The following IL5RA variants were observed in gnomAD, a reference collection of about 807,000 sequenced individuals.
IL5RA encodes interleukin 5 receptor subunit alpha, also known as interleukin-5 receptor subunit alpha.
IL5RA carries 49 observed loss-of-function variants against 50.0 expected under a neutral mutation model. The observed-to-expected ratio is 0.98, with a 90% CI of 0.78 to 1.24. The LOEUF is 1.24. IL5RA is among the 50% of genes most tolerant of loss of function. The pLI is 0.00. For synonymous variants in IL5RA, 202 were observed against 174.0 expected (o/e 1.16, Z -1.26); for missense variants, 600 against 500.4 (o/e 1.20, Z -1.90).
intron 11 of IL5RA, among the ~76,000 whole-genome samples, chr3:3,071,736 T>C (rs1023161069): frequency 6.6e-6 from 1 of 152,066 alleles, no homozygotes; most frequent in Non-Finnish European, 1.5e-5. Flanking sequence ...GCTACAGGTG[T>C]GCACCACCGT....
Position 3,098,015 on chromosome 3 carries a change from G to A in IL5RA, c.564C>T (p.Asp188=). Residue 188 remains aspartate (D), a synonymous_variant, in exon 7 of 12, where the codon GAC becomes GAT. Coordinates refer to ENST00000446632, the MANE Select transcript of IL5RA (RefSeq NM_175726.4). ...WTEECQEYSK[D]TLGRNIACWF... is the part of the protein sequence containing the mutation. ...AGCATGCGATATTTCTCCCCAGTGT[G>A]TCTTTGCTGTATTCTTGGCATTCTT... is the stretch of plus-strand genomic sequence containing the variant. 1 of 1,614,148 alleles carries A rather than the reference G, an allele frequency of 6.2e-7. No homozygotes were observed. Among genetic ancestry groups the A allele is most frequent in the Non-Finnish European group, 8.5e-7 (1 of 1,180,050 alleles).
intron 9 of IL5RA, among the ~76,000 whole-genome samples, chr3:3,088,209 G>C (rs9836917): frequency 4.9e-4 from 75 of 152,320 alleles, no homozygotes; most frequent in African/African-American, 1.7e-3. Flanking sequence ...CGCTCGTTAT[G>C]GATCACAATT....
chr3:3,101,178 CAA>C (rs10606924), intron 5 of IL5RA, among the ~76,000 whole-genome samples: 18,392 of 142,054 alleles, frequency 0.13, 1,340 homozygotes, highest in South Asian at 0.18. Flanking sequence ...GATTCTATCT[CAA>C]AAAAAAAAAA....
chr3:3,090,824 C>T (rs891459411), intron 9 of IL5RA, among the ~76,000 whole-genome samples: 7 of 152,044 alleles, frequency 4.6e-5, no homozygotes, highest in East Asian at 1.9e-4. Context: ...CTGCCCATCT[C>T]GGCCTCCCAA....
chr3:3,082,721 C>T (rs1702711547), intron 9 of IL5RA, among the ~76,000 whole-genome samples: 1 of 152,184 alleles, frequency 6.6e-6, no homozygotes, highest in Admixed American at 6.5e-5. Flanking sequence ...CAAACTAGTC[C>T]CAGCTCTGCC....
At chr3:3,075,849 T>G (rs1327838010) in intron 10 of IL5RA, among the ~76,000 whole-genome samples, 3 of 151,862 alleles carry the variant, frequency 2.0e-5, no homozygotes, top group Non-Finnish European at 4.4e-5. Context: ...GTCCACCCGC[T>G]GTGGCCTCCC....
chr3:3,101,631 T>C, intron 5 of IL5RA, 61 bp downstream of exon 5: 1 of 1,556,242 alleles, frequency 6.4e-7, no homozygotes. Flanking sequence ...TTAATTTTTC[T>C]ACTTTTCCAT....
Position 3,092,436 on chromosome 3 carries a change from G to T in IL5RA, c.856-74C>A. The T allele has an allele frequency of 2.9e-6, 4 of 1,370,470 alleles. No individual in the cohort carries two copies. Among genetic ancestry groups the T allele is most frequent in the African/African-American group, 1.4e-5 (1 of 70,342 alleles). 84.9% of individuals were successfully genotyped at this position (1,370,470 alleles called of 1,614,324 possible). A position where few individuals can be genotyped will look rare whatever the true frequency, so the allele number is the denominator to read the frequency against. On this transcript the variant is annotated intron_variant, in intron 8 of 11. Coordinates refer to ENST00000446632, the MANE Select transcript of IL5RA (RefSeq NM_175726.4). This position sits in a 1 kb window ranked among gnomAD's most constrained non-coding sequence, Gnocchi z 4.2. ...GTTCTGCCGATTATCAGAATGGGAG[G>T]TCCTATATAGGTCATGTGACTCACT...
At chr3:3,108,337 A>G (rs1024748197) in intron 2 of IL5RA, among the ~76,000 whole-genome samples, 2 of 152,202 alleles carry the variant, frequency 1.3e-5, no homozygotes, top group African/African-American at 4.8e-5. Context: ...TTTTGATTAA[A>G]TTTCTGAAAT....
chr3:3,071,552 A>AGTGTGTGTGTGT (rs55736610), intron 11 of IL5RA, among the ~76,000 whole-genome samples: 24 of 136,064 alleles, frequency 1.8e-4, no homozygotes, highest in East Asian at 6.5e-4. Context: ...CTTCCTTCAC[A>AGTGTGTGTGTGT]GTGTGTGTGT....
At chr3:3,078,693 G>A (rs1251189670) in intron 9 of IL5RA, among the ~76,000 whole-genome samples, 2 of 152,144 alleles carry the variant, frequency 1.3e-5, no homozygotes, top group South Asian at 2.1e-4. Context: ...AATTAGCAGG[G>A]CATGCTGGCT....
At chr3:3,090,112 A>G (rs1703025396) in intron 9 of IL5RA, 2 of 1,235,580 alleles carry the variant, frequency 1.6e-6, no homozygotes, top group African/African-American at 3.1e-5. Context: ...TTTTGATAGG[A>G]CTAAGATTAT....
At chr3:3,100,593 T>C (rs1275852098) in intron 5 of IL5RA, among the ~76,000 whole-genome samples, 1 of 152,222 alleles carries the variant, frequency 6.6e-6, no homozygotes, top group Non-Finnish European at 1.5e-5. Flanking sequence ...TGAATTCCAC[T>C]TGGTTCAAAA....
intron 9 of IL5RA, among the ~76,000 whole-genome samples, chr3:3,091,541 G>A (rs1035022951): frequency 6.6e-6 from 1 of 152,152 alleles, no homozygotes; most frequent in Non-Finnish European, 1.5e-5. Flanking sequence ...AGACCAGCCT[G>A]ACCAACGTGG....
Position 3,067,356 on chromosome 3 carries a change from A to G in IL5RA, c.*2869T>C, listed in dbSNP as rs1332305891. On this transcript the variant is annotated 3_prime_UTR_variant, in exon 12 of 12. Coordinates refer to ENST00000446632, the MANE Select transcript of IL5RA (RefSeq NM_175726.4). ...TGCCAAATACTGTTCAGTCTAACCTATATACAAGGTGCCGTATCAGGGCTG... is the reference window on the plus strand; with the variant it reads ...TGCCAAATACTGTTCAGTCTAACCTGTATACAAGGTGCCGTATCAGGGCTG... The G allele has an allele frequency of 1.3e-5, 2 of 152,136 alleles. No homozygotes were observed. The highest frequency in any genetic ancestry group is 2.1e-4 in the South Asian group (1 of 4,832). The allele number at this position is 152,136 out of a possible 1,614,324, so 9.4% of individuals were successfully genotyped here. A position where few individuals can be genotyped will look rare whatever the true frequency, so the allele number is the denominator to read the frequency against.
chr3:3,095,057 C>A (rs1489479522), intron 8 of IL5RA, among the ~76,000 whole-genome samples: 2 of 152,090 alleles, frequency 1.3e-5, no homozygotes, highest in East Asian at 1.9e-4. Context: ...GCACTAGTAC[C>A]AATGAGTCTG....
At chr3:3,075,336 G>T (rs564578177) in intron 10 of IL5RA, among the ~76,000 whole-genome samples, 3 of 149,498 alleles carry the variant, frequency 2.0e-5, no homozygotes, top group Admixed American at 6.8e-5. Flanking sequence ...CTGAGTAGCT[G>T]GGACTACAGG....
chr3:3,109,147 T>C (rs1441011073), intron 1 of IL5RA, among the ~76,000 whole-genome samples: 3 of 143,442 alleles, frequency 2.1e-5, no homozygotes, highest in African/African-American at 5.1e-5. Context: ...TTTTTCCCCC[T>C]TTTTTTTGGT....
At chr3:3,097,790 A>G in intron 7 of IL5RA, 80 bp downstream of exon 7, 4 of 1,436,550 alleles carry the variant, frequency 2.8e-6, no homozygotes, top group Non-Finnish European at 3.8e-6. Flanking sequence ...CAGTAAAACT[A>G]GGTGATCTTT....
Sources: allele counts gnomAD v4.1 joint callset (sites outside exome capture counted in the v4.1 genomes callset), GRCh38; gene constraint gnomAD v4.1.1; non-coding constraint Gnocchi (gnomAD v3.1); transcripts MANE v1.5; gene names NCBI Gene and HGNC (gene_info 2026-07-23, HGNC 2026-07-21).